FTCDNL1: variants seen among roughly 807,000 people sequenced by gnomAD.
FTCDNL1 encodes the protein formiminotransferase N-terminal subdomain-containing protein.
In FTCDNL1, 11 loss-of-function variants were observed where a neutral mutation model predicts 5.9. The observed-to-expected ratio is 1.87, with a 90% CI of 1.18 to 3.10. The LOEUF (loss-of-function observed/expected upper bound fraction) is 3.10, where lower values mean the gene tolerates loss of function less well. Among genes scored for constraint, FTCDNL1 ranks in the 30% most tolerant of loss-of-function variants. The pLI, the probability that FTCDNL1 is intolerant of heterozygous loss-of-function variation, is 0.00. For missense variants in FTCDNL1, 115 were observed against 65.5 expected, an observed-to-expected ratio of 1.76 and a Z score of -2.61; for synonymous variants, 58 against 24.8, an observed-to-expected ratio of 2.34 and a Z score of -3.99.
chr2:199,672,193 C>A, the FTCDNL1 span, among the ~76,000 whole-genome samples: 3 of 152,184 alleles, frequency 2.0e-5, no homozygotes, highest in African/African-American at 4.8e-5. Context: ...TCCTCCCAGG[C>A]AGCCCTAAAT....
At chr2:199,741,425 A>T in the FTCDNL1 span, among the ~76,000 whole-genome samples, 3 of 152,164 alleles carry the variant, frequency 2.0e-5, no homozygotes, top group Non-Finnish European at 4.4e-5. Flanking sequence ...GCACTGGCCC[A>T]CAAAGCACCA....
chr2:199,690,259 A>G, the FTCDNL1 span, among the ~76,000 whole-genome samples: 2 of 152,340 alleles, frequency 1.3e-5, no homozygotes, highest in African/African-American at 4.8e-5. Context: ...CTTATAAAGG[A>G]AAGTGTATTA....
chr2:199,665,004 A>G, the FTCDNL1 span, among the ~76,000 whole-genome samples: 1 of 152,240 alleles, frequency 6.6e-6, no homozygotes, highest in African/African-American at 2.4e-5. Context: ...TAAAAGAAAA[A>G]TTAAGTCCAA....
chr2:199,760,180 A>G (rs1290384776), downstream of FTCDNL1, among the ~76,000 whole-genome samples: 8 of 152,084 alleles, frequency 5.3e-5, no homozygotes, highest in East Asian at 1.4e-3. Context: ...GGGAGTCGTA[A>G]GGAAGAATCT....
At chr2:199,730,212 A>G in the FTCDNL1 span, among the ~76,000 whole-genome samples, 2 of 152,214 alleles carry the variant, frequency 1.3e-5, no homozygotes, top group South Asian at 4.1e-4. Flanking sequence ...AAGATGCACT[A>G]AAGACTTAAA....
chr2:199,739,293 C>A, the FTCDNL1 span, among the ~76,000 whole-genome samples: 1 of 152,158 alleles, frequency 6.6e-6, no homozygotes, highest in Non-Finnish European at 1.5e-5. Context: ...TCTACCACTT[C>A]GGAATCGGGG....
chr2:199,791,286 G>GA (rs1296936579), intron 3 of FTCDNL1, among the ~76,000 whole-genome samples: 22 of 151,756 alleles, frequency 1.4e-4, no homozygotes, highest in Admixed American at 1.4e-3. Context: ...AGAAAAAGGA[G>GA]AAAAAAGAGT....
chr2:199,788,071 A>G (rs1574507748), intron 3 of FTCDNL1, among the ~76,000 whole-genome samples: 1 of 152,252 alleles, frequency 6.6e-6, no homozygotes, highest in Non-Finnish European at 1.5e-5. Flanking sequence ...GATAAGGCTT[A>G]TAAGAGTAGA....
At chr2:199,756,564 G>A (rs953766133), downstream of FTCDNL1, among the ~76,000 whole-genome samples, 1 of 152,136 alleles carries the variant, frequency 6.6e-6, no homozygotes, top group Non-Finnish European at 1.5e-5. Context: ...ACATTAGCAG[G>A]CAAGCAGCAC....
At chr2:199,767,623 C>CCA (rs1698598512) in intron 3 of FTCDNL1, among the ~76,000 whole-genome samples, 1 of 152,098 alleles carries the variant, frequency 6.6e-6, no homozygotes, top group South Asian at 2.1e-4. Flanking sequence ...GATAAATATC[C>CCA]TTATAAAACA....
At chr2:199,763,875 T>C (rs889526497) in intron 3 of FTCDNL1, among the ~76,000 whole-genome samples, 2 of 152,154 alleles carry the variant, frequency 1.3e-5, no homozygotes, top group African/African-American at 4.8e-5. Context: ...GGAGTCTTGC[T>C]CCGTCACACA....
the FTCDNL1 span, among the ~76,000 whole-genome samples, chr2:199,684,360 G>A: frequency 1.3e-5 from 2 of 152,104 alleles, no homozygotes; most frequent in African/African-American, 2.4e-5. Context: ...GACAGATGGC[G>A]CTATAAATAC....
At chr2:199,710,868 C>A in the FTCDNL1 span, among the ~76,000 whole-genome samples, 1 of 152,124 alleles carries the variant, frequency 6.6e-6, no homozygotes, top group Admixed American at 6.6e-5. Flanking sequence ...AACCATCCTG[C>A]TCCATATGAG....
At chr2:199,722,249 T>TA in the FTCDNL1 span, among the ~76,000 whole-genome samples, 1 of 152,232 alleles carries the variant, frequency 6.6e-6, no homozygotes, top group Non-Finnish European at 1.5e-5. Context: ...CTAGGGTTTT[T>TA]ATAGTTTTGG....
chr2:199,828,600 G>A (rs1025813268), intron 3 of FTCDNL1, among the ~76,000 whole-genome samples: 1 of 152,126 alleles, frequency 6.6e-6, no homozygotes, highest in Non-Finnish European at 1.5e-5. Context: ...CCCTCTCCGG[G>A]AATTCATTTC....
intron 3 of FTCDNL1, among the ~76,000 whole-genome samples, chr2:199,779,878 A>C (rs1049108206): frequency 6.6e-6 from 1 of 152,190 alleles, no homozygotes; most frequent in Admixed American, 6.5e-5. Flanking sequence ...TTGACTCTGA[A>C]AGAACAAACA....
the FTCDNL1 span, among the ~76,000 whole-genome samples, chr2:199,746,245 A>T: frequency 6.6e-6 from 1 of 152,076 alleles, no homozygotes; most frequent in Non-Finnish European, 1.5e-5. Context: ...CGTACTAGAA[A>T]CTCACCCTCT....
In FTCDNL1 at chr2:199,810,802, T is replaced by C. The variant is rs1700992053; in HGVS notation, c.*1903A>G. Among the ~76,000 whole-genome samples the C allele has an allele frequency of 6.6e-6, 1 of 152,230 alleles. No individual in the cohort carries two copies. Among genetic ancestry groups the C allele is most frequent in the African/African-American group, 2.4e-5 (1 of 41,470 alleles). ...TAAAGGACTGACCTCATCTTCAGCA[T>C]GTGATCATTCCTTAGCTACTATTTC... is the stretch of plus-strand genomic sequence containing the variant. On this transcript the variant is annotated 3_prime_UTR_variant, in exon 5 of 5. Transcript: ENST00000420128.
At chr2:199,777,615 G>C (rs1015474462) in intron 3 of FTCDNL1, among the ~76,000 whole-genome samples, 8 of 152,126 alleles carry the variant, frequency 5.3e-5, no homozygotes, top group African/African-American at 7.2e-5. Flanking sequence ...AAGAATGTTT[G>C]ACCAAATATC....
Sources: allele counts gnomAD v4.1 joint callset (sites outside exome capture counted in the v4.1 genomes callset), GRCh38; gene constraint gnomAD v4.1.1; transcripts MANE v1.5; gene names NCBI Gene and HGNC (gene_info 2026-07-23, HGNC 2026-07-21).